ANKFN1: variants seen among roughly 807,000 people sequenced by gnomAD.
ANKFN1 encodes ankyrin repeat and fibronectin type III domain containing 1.
In ANKFN1, 74 loss-of-function variants were observed where a neutral mutation model predicts 108.7. The ratio of observed to expected loss-of-function variants is 0.68; its 90% CI spans 0.56 to 0.83. The LOEUF is 0.83. ANKFN1 is among the 40% of genes least tolerant of loss of function. The pLI, the probability that ANKFN1 is intolerant of heterozygous loss-of-function variation, is 0.00. For missense variants in ANKFN1, 1,505 were observed against 1,382.3 expected, an observed-to-expected ratio of 1.09 and a Z score of -1.41; for synonymous variants, 547 against 516.2, an observed-to-expected ratio of 1.06 and a Z score of -0.81.
Position 56,510,540 on chromosome 17 carries a change from C to G in ANKFN1, c.2712C>G (p.Asp904Glu), listed in dbSNP as rs1160120020. The G allele has an allele frequency of 6.5e-7, 1 of 1,536,112 alleles. No homozygotes were observed. Among genetic ancestry groups the G allele is most frequent in the Non-Finnish European group, 8.7e-7 (1 of 1,146,940 alleles). ...TCCTCCCCACCAACAGTGACTACGA[C>G]TCCAGCGATGCCCTGAGCCCCAGAG... ...EVFLPTNSDY[D>E]SSDALSPRDL... Residue 904 changes from aspartate to glutamate, a missense_variant, in exon 21 of 21, where the codon GAC becomes GAG. Physicochemically the swap from Asp to Glu is conservative, Grantham distance 45 (BLOSUM62 2). Transcript: ENST00000682825.
intron 11 of ANKFN1, among the ~76,000 whole-genome samples, chr17:56,456,120 T>C (rs2049684595): frequency 6.6e-6 from 1 of 152,166 alleles, no homozygotes; most frequent in African/African-American, 2.4e-5. Context: ...ATGAAAAAAA[T>C]TAACACAATA....
intron 3 of ANKFN1, among the ~76,000 whole-genome samples, chr17:56,241,629 A>G (rs930943889): frequency 7.2e-5 from 11 of 152,120 alleles, no homozygotes; most frequent in African/African-American, 1.4e-4. Flanking sequence ...TGAAACTGCA[A>G]AAAGTACCAA....
At chr17:56,309,654 A>G (rs965166552) in intron 3 of ANKFN1, among the ~76,000 whole-genome samples, 1 of 152,164 alleles carries the variant, frequency 6.6e-6, no homozygotes, top group African/African-American at 2.4e-5. Context: ...CAAAACCCCC[A>G]ACAGATGCCT....
chr17:56,240,146 C>T (rs531022417), intron 3 of ANKFN1, among the ~76,000 whole-genome samples: 2 of 151,970 alleles, frequency 1.3e-5, no homozygotes, highest in African/African-American at 2.4e-5. Context: ...ATAATTAAGT[C>T]TTCATATGCC....
chr17:56,105,181 C>T (rs1021898422), intron 4 of ANKFN1, among the ~76,000 whole-genome samples: 15 of 152,048 alleles, frequency 9.9e-5, no homozygotes, highest in African/African-American at 1.9e-4. Context: ...TTTTACCAGG[C>T]GCACTGAATG....
intron 8 of ANKFN1, among the ~76,000 whole-genome samples, chr17:56,389,428 G>C (rs1230938234): frequency 6.6e-6 from 1 of 152,198 alleles, no homozygotes; most frequent in Non-Finnish European, 1.5e-5. Context: ...TTGTTTTCTA[G>C]CTAATGGATG....
At chr17:56,448,084 A>T (rs923995870) in intron 10 of ANKFN1, among the ~76,000 whole-genome samples, 1 of 152,234 alleles carries the variant, frequency 6.6e-6, no homozygotes, top group Non-Finnish European at 1.5e-5. Flanking sequence ...AACTTGTTCA[A>T]CTAGAATTTA....
intron 6 of ANKFN1, among the ~76,000 whole-genome samples, chr17:56,361,363 T>A (rs914977738): frequency 6.6e-6 from 1 of 152,088 alleles, no homozygotes; most frequent in Non-Finnish European, 1.5e-5. Flanking sequence ...GTATGCAGAC[T>A]TTTCCCCATG....
At chr17:56,243,456 C>T (rs1917731916) in intron 3 of ANKFN1, among the ~76,000 whole-genome samples, 1 of 152,170 alleles carries the variant, frequency 6.6e-6, no homozygotes, top group South Asian at 2.1e-4. Flanking sequence ...TTCCAGCCTT[C>T]CTGGGCCACA....
At chr17:56,354,810 C>T (rs1467533365) in intron 6 of ANKFN1, among the ~76,000 whole-genome samples, 3 of 152,148 alleles carry the variant, frequency 2.0e-5, no homozygotes, top group South Asian at 2.1e-4. Context: ...GCTTATACAA[C>T]ATTTTCTTTA....
intron 4 of ANKFN1, among the ~76,000 whole-genome samples, chr17:56,077,646 T>C (rs1905196831): frequency 6.6e-6 from 1 of 152,232 alleles, no homozygotes; most frequent in African/African-American, 2.4e-5. Context: ...GGCCAACTCA[T>C]TGGCAACTTT....
At chr17:56,326,415 T>G in intron 4 of ANKFN1, 60 bp downstream of exon 4, 2 of 1,556,854 alleles carry the variant, frequency 1.3e-6, no homozygotes, top group Non-Finnish European at 1.7e-6. Context: ...TAATTACTGA[T>G]TATTTTTAAA....
intron 3 of ANKFN1, among the ~76,000 whole-genome samples, chr17:56,297,127 A>G (rs912922605): frequency 1.3e-5 from 2 of 152,172 alleles, no homozygotes; most frequent in Non-Finnish European, 1.5e-5. Flanking sequence ...AATGGATGAG[A>G]AGAAAGGCAC....
intron 3 of ANKFN1, 92 bp from the exon 4 acceptor site, chr17:56,326,129 T>A: frequency 6.8e-7 from 1 of 1,477,834 alleles, no homozygotes; most frequent in South Asian, 1.4e-5. Flanking sequence ...ATGCATCATT[T>A]CCTCTTTTAT....
rs746883576 is a variant in ANKFN1, at chr17:56,326,201, G to T, written c.54-20G>T. ...GCTCTTGCCTGTAGTGATCCTGTTC[G>T]CATTTTATTCTTTACACAGAATAGG... On this transcript the variant is annotated intron_variant, in intron 3 of 20. Coordinates refer to ENST00000682825, the MANE Select transcript of ANKFN1 (RefSeq NM_001370326.1). The T allele has an allele frequency of 3.8e-6, 6 of 1,599,906 alleles. 1 individual carries two copies. Among genetic ancestry groups the T allele is most frequent in the African/African-American group, 2.7e-5 (2 of 74,178 alleles).
At chr17:56,148,462 T>A (rs1908398645) in intron 4 of ANKFN1, among the ~76,000 whole-genome samples, 1 of 152,210 alleles carries the variant, frequency 6.6e-6, no homozygotes, top group African/African-American at 2.4e-5. Context: ...ACAATTCACA[T>A]GTTTCCGCTC....
chr17:56,455,819 A>G (rs1034691348), intron 11 of ANKFN1, among the ~76,000 whole-genome samples: 1 of 152,238 alleles, frequency 6.6e-6, no homozygotes, highest in African/African-American at 2.4e-5. Flanking sequence ...GATGCATAGT[A>G]GTGCCCCCAA....
chr17:56,291,387 G>A (rs78236144), intron 3 of ANKFN1, among the ~76,000 whole-genome samples: 3,483 of 152,218 alleles, frequency 0.023, 62 homozygotes, highest in African/African-American at 0.044. Context: ...GACAAGTAAT[G>A]TCCAAGTAGG....
intron 8 of ANKFN1, among the ~76,000 whole-genome samples, chr17:56,376,241 A>G (rs1433729880): frequency 6.6e-6 from 1 of 152,192 alleles, no homozygotes; most frequent in African/African-American, 2.4e-5. Flanking sequence ...CACACCCTGT[A>G]GCTTTCTTGG....
Sources: allele counts gnomAD v4.1 joint callset (sites outside exome capture counted in the v4.1 genomes callset), GRCh38; gene constraint gnomAD v4.1.1; transcripts MANE v1.5; gene names NCBI Gene and HGNC (gene_info 2026-07-23, HGNC 2026-07-21).